DOCK9: variants seen among roughly 807,000 people sequenced by gnomAD.
DOCK9 encodes dedicator of cytokinesis protein 9.
In DOCK9, 89 loss-of-function variants were observed where a neutral mutation model predicts 263.3. The observed-to-expected ratio is 0.34, with a 90% confidence interval of 0.28 to 0.40. The LOEUF (loss-of-function observed/expected upper bound fraction) is 0.40. Ranked by LOEUF, DOCK9 falls within the 10% of genes least tolerant of loss-of-function variation. DOCK9 has a pLI of 1.00. For missense variants in DOCK9, 2,140 were observed against 2,603.4 expected (o/e 0.82, Z 3.87); for synonymous variants, 976 against 973.1 (o/e 1.00, Z -0.06).
intron 7 of DOCK9, among the ~76,000 whole-genome samples, chr13:98,916,156 T>C (rs77646176): frequency 6.6e-6 from 1 of 152,322 alleles, no homozygotes; most frequent in East Asian, 1.9e-4. Context: ...AAGATGAACA[T>C]GCACTAGGCC....
chr13:98,847,048 T>C (rs2093414840), intron 37 of DOCK9: 1 of 156,100 alleles, frequency 6.4e-6, no homozygotes, highest in South Asian at 1.9e-4. Context: ...GTAGGAAGAT[T>C]TTCTTTTAAG....
chr13:98,893,392 T>C lies in DOCK9; in HGVS notation c.1709+4096A>G, dbSNP rs148724031. Among the ~76,000 whole-genome samples, 190 of 152,324 alleles carry C rather than the reference T, an allele frequency of 1.2e-3. 1 individual carries two copies. Among genetic ancestry groups the C allele is most frequent in the African/African-American group, 4.1e-3 (172 of 41,570 alleles). The stretch of plus-strand genomic sequence containing the variant: ...CATGTCTTCGCATTTCCTGCAGAAG[T>C]TGGAAAAGATGAGATACCATCTTAT... On this transcript the variant is annotated intron_variant, in intron 15 of 52. Transcript: ENST00000682017.
At chr13:98,954,605 A>G (rs1183946147) in intron 2 of DOCK9, among the ~76,000 whole-genome samples, 1 of 152,204 alleles carries the variant, frequency 6.6e-6, no homozygotes, top group Non-Finnish European at 1.5e-5. Flanking sequence ...CTACAGAGGT[A>G]AACTTCAGGC....
chr13:98,960,988 G>C (rs977945583), intron 1 of DOCK9, among the ~76,000 whole-genome samples: 1 of 152,176 alleles, frequency 6.6e-6, no homozygotes, highest in Non-Finnish European at 1.5e-5. Context: ...CAGCTTTGAG[G>C]GGAGGGCTGT....
Position 99,071,306 on chromosome 13 carries a change from C to CTTTTTTTTT in DOCK9, c.129+14908_129+14916dup, listed in dbSNP as rs71114578. ...TACAGGTGCTTGCCACCATGCCTGG[C>CTTTTTTTTT]TTTTTTTTTTTTTTTTTTTTTTTTT... is the stretch of plus-strand genomic sequence containing the variant. On this transcript the variant is annotated intron_variant, in intron 1 of 32. Coordinates refer to the DOCK9 transcript ENST00000427887. Among the ~76,000 whole-genome samples the CTTTTTTTTT allele has an allele frequency of 8.5e-4, 42 of 49,330 alleles. 2 individuals carry two copies. The highest frequency in any genetic ancestry group is 1.1e-3 in the African/African-American group (10 of 9,182). 32.4% of individuals were successfully genotyped at this position (49,330 alleles called of 152,430 possible). A position where few individuals can be genotyped will look rare whatever the true frequency, so the allele number is the denominator to read the frequency against.
At chr13:98,940,979 G>T (rs1404790462) in intron 2 of DOCK9, among the ~76,000 whole-genome samples, 1 of 152,074 alleles carries the variant, frequency 6.6e-6, no homozygotes, top group Non-Finnish European at 1.5e-5. Context: ...AAACTCCTCA[G>T]CATGACCGAA....
rs555971483 is a variant in DOCK9 at position 98,901,680 on chromosome 13, A to G, written c.1503+98T>C. On this transcript the variant is annotated intron_variant, in intron 13 of 52. Coordinates refer to ENST00000682017, the MANE Select transcript of DOCK9 (RefSeq NM_001366683.2). ...ATTCTACATCTTTTAGAGTATAAAT[A>G]TGGCTTATGTTTGATTTCATTAAGG... is the stretch of plus-strand genomic sequence containing the variant. 4.1e-5 allele frequency: 55 copies of G among 1,352,718 alleles called. No individual in the cohort carries two copies. The African/African-American group carries it at 4.8e-4, about 12-fold the overall frequency. 83.8% of individuals were successfully genotyped at this position (1,352,718 alleles called of 1,614,324 possible). A position where few individuals can be genotyped will look rare whatever the true frequency, so the allele number is the denominator to read the frequency against.
At position 98,879,920 on chromosome 13, in the gene DOCK9, A is replaced by G. The variant is rs2044466458; in HGVS notation, c.2921T>C (p.Leu974Ser). The G allele has an allele frequency of 6.2e-7, 1 of 1,608,804 alleles. No individual in the cohort carries two copies. Residue 974 changes from leucine (L) to serine (S), a missense_variant, in exon 27 of 53, where the codon TTG becomes TCG. Leu to Ser is a moderately radical substitution (Grantham distance 145, BLOSUM62 -2). Transcript: ENST00000682017. ...DVLIKSMAQH[L>S]IENSKVKLLR... ...TACCTTAACTTTGGAGTTCTCTATC[A>G]AATGCTGAGCCATAGATTTGATCAG...
chr13:99,044,301 C>T (rs970586586), intron 1 of DOCK9, among the ~76,000 whole-genome samples: 1 of 152,234 alleles, frequency 6.6e-6, no homozygotes, highest in Non-Finnish European at 1.5e-5. Flanking sequence ...GAATCAAGAA[C>T]ACTGCAGGCA....
chr13:98,884,732 T>C (rs536996159), intron 21 of DOCK9, among the ~76,000 whole-genome samples: 1 of 148,852 alleles, frequency 6.7e-6, no homozygotes, highest in East Asian at 2.0e-4. Flanking sequence ...TCTCTATTTT[T>C]CCGCTGAGAC....
Position 98,973,312 on chromosome 13 carries a change from T to C in DOCK9, c.126+4472A>G, listed in dbSNP as rs146065209. Among the ~76,000 whole-genome samples, 36 of 152,310 alleles carry C rather than the reference T, an allele frequency of 2.4e-4. No individual in the cohort carries two copies. In the East Asian group the frequency reaches 7.0e-3, roughly 29 times the overall value. Reference sequence around the variant, plus strand: ...TAAGCTTATACCTCACTTAGTCTGCTATTTCTAGAGCAAACAGAACTTCAG... The same window carrying C: ...TAAGCTTATACCTCACTTAGTCTGCCATTTCTAGAGCAAACAGAACTTCAG... On this transcript the variant is annotated intron_variant, in intron 1 of 52. Coordinates refer to ENST00000682017, the MANE Select transcript of DOCK9 (RefSeq NM_001366683.2).
chr13:98,834,588 T>C (rs1480320726), intron 39 of DOCK9: 2 of 152,212 alleles, frequency 1.3e-5, no homozygotes, highest in African/African-American at 4.8e-5. Flanking sequence ...AAAACACATT[T>C]CCAGATTAAA....
intron 27 of DOCK9, among the ~76,000 whole-genome samples, chr13:98,875,152 T>G (rs1035202164): frequency 6.6e-6 from 1 of 152,206 alleles, no homozygotes; most frequent in African/African-American, 2.4e-5. Context: ...GCTGAACGTT[T>G]TCTTTCTCCA....
chr13:98,868,196 C>T (rs981717855), intron 28 of DOCK9, 35 bp downstream of exon 28: 2 of 1,611,408 alleles, frequency 1.2e-6, no homozygotes, highest in Admixed American at 1.7e-5. Context: ...CATCTTTGTC[C>T]CATAACTGAT....
At chr13:98,880,825 C>T (rs2044628921) in intron 25 of DOCK9, among the ~76,000 whole-genome samples, 153 bp from the exon 26 acceptor site, 1 of 152,040 alleles carries the variant, frequency 6.6e-6, no homozygotes, top group African/African-American at 2.4e-5. Flanking sequence ...GGGTGAGTGT[C>T]ATGTGATAAA....
chr13:98,850,689 T>A (rs1594665882), intron 35 of DOCK9, among the ~76,000 whole-genome samples: 1 of 152,248 alleles, frequency 6.6e-6, no homozygotes, highest in South Asian at 2.1e-4. Context: ...TTTGCTATTA[T>A]AATTATGTTT....
intron 1 of DOCK9, among the ~76,000 whole-genome samples, chr13:99,027,591 T>C (rs1454950424): frequency 1.3e-5 from 2 of 152,226 alleles, no homozygotes; most frequent in Non-Finnish European, 2.9e-5. Context: ...CCATGAATCA[T>C]ATTGAGAAAC....
chr13:98,994,830 T>C (rs148810702), intron 1 of DOCK9, among the ~76,000 whole-genome samples: 26 of 152,292 alleles, frequency 1.7e-4, no homozygotes, highest in Non-Finnish European at 3.1e-4. Context: ...ATTAAGAACA[T>C]ATATATGGTA....
intron 30 of DOCK9, among the ~76,000 whole-genome samples, chr13:98,863,984 T>C (rs1441775246): frequency 1.3e-5 from 2 of 152,200 alleles, no homozygotes; most frequent in Non-Finnish European, 2.9e-5. Flanking sequence ...ATAATAAACA[T>C]ACATGGCTCA....
Sources: allele counts gnomAD v4.1 joint callset (sites outside exome capture counted in the v4.1 genomes callset), GRCh38; gene constraint gnomAD v4.1.1; transcripts MANE v1.5; gene names NCBI Gene and HGNC (gene_info 2026-07-23, HGNC 2026-07-21).